SLC25A48: variants seen among roughly 807,000 people sequenced by gnomAD.
SLC25A48 encodes CTC-321K16.1.
SLC25A48 carries 29 observed loss-of-function variants against 32.2 expected under a neutral mutation model. The ratio of observed to expected loss-of-function variants is 0.90; its 90% CI spans 0.67 to 1.23. SLC25A48 has a LOEUF of 1.23. SLC25A48 is among the 50% of genes most tolerant of loss of function. SLC25A48 has a pLI of 0.00. For missense variants in SLC25A48, 399 were observed against 422.7 expected, an observed-to-expected ratio of 0.94 and a Z score of 0.49; for synonymous variants, 164 against 172.3, an observed-to-expected ratio of 0.95 and a Z score of 0.38.
intron 4 of SLC25A48, among the ~76,000 whole-genome samples, chr5:135,867,301 C>T (rs1226040406): frequency 6.6e-6 from 1 of 152,168 alleles, no homozygotes; most frequent in African/African-American, 2.4e-5. Flanking sequence ...TAGTCTTCCT[C>T]AGGTTCCTTG....
chr5:135,732,831 C>T (rs556072503), intron 3 of SLC25A48, among the ~76,000 whole-genome samples: 6 of 152,180 alleles, frequency 3.9e-5, no homozygotes, highest in Admixed American at 6.6e-5. Flanking sequence ...GAAAAACTGC[C>T]GTGAGGGATA....
chr5:135,690,890 C>G (rs757855223), intron 3 of SLC25A48, among the ~76,000 whole-genome samples: 17 of 152,060 alleles, frequency 1.1e-4, no homozygotes, highest in Non-Finnish European at 2.2e-4. Flanking sequence ...AATTCCAAAG[C>G]TGTCCTGTAA....
intron 1 of SLC25A48, among the ~76,000 whole-genome samples, chr5:135,585,325 G>A (rs554462631): frequency 7.1e-4 from 108 of 152,338 alleles, no homozygotes; most frequent in African/African-American, 2.5e-3. Flanking sequence ...TAGGCTGTTT[G>A]CTTTCGTTTG....
chr5:135,648,946 G>A (rs1753035403), intron 3 of SLC25A48: 1 of 152,274 alleles, frequency 6.6e-6, no homozygotes, highest in Non-Finnish European at 1.5e-5. Context: ...CCAGCAGCCT[G>A]GACACCGGTT....
chr5:135,678,994 T>C (rs1753831578), intron 3 of SLC25A48, among the ~76,000 whole-genome samples: 1 of 152,068 alleles, frequency 6.6e-6, no homozygotes, highest in Admixed American at 6.6e-5. Context: ...TAAGTCCAGG[T>C]GGGTTAGTTC....
chr5:135,596,129 C>T (rs1751644249), intron 1 of SLC25A48, among the ~76,000 whole-genome samples: 2 of 152,180 alleles, frequency 1.3e-5, no homozygotes, highest in African/African-American at 4.8e-5. Flanking sequence ...AATAGTTACC[C>T]AACTTTATCT....
At chr5:135,804,050 A>G (rs1475523156) in intron 3 of SLC25A48, among the ~76,000 whole-genome samples, 1 of 151,578 alleles carries the variant, frequency 6.6e-6, no homozygotes, top group Non-Finnish European at 1.5e-5. Flanking sequence ...TATCTCCCTA[A>G]AATATTACAA....
chr5:135,659,936 C>T (rs1753353061), intron 3 of SLC25A48, among the ~76,000 whole-genome samples: 1 of 152,232 alleles, frequency 6.6e-6, no homozygotes, highest in African/African-American at 2.4e-5. Flanking sequence ...GTCCCACCCA[C>T]CTTCGGGAAT....
At position 135,850,561 on chromosome 5, in the gene SLC25A48, C is replaced by A; in HGVS notation, c.162+65C>A. 4 of 1,483,014 alleles carry A rather than the reference C, an allele frequency of 2.7e-6. No homozygotes were observed. The East Asian group carries it at 6.8e-5, about 25-fold the overall frequency. 91.9% of individuals were successfully genotyped at this position (1,483,014 alleles called of 1,614,324 possible). ...GCCCCCACAGGCTGGGGACCAGGGC[C>A]ACAGCCCCACACCAGCATGCAGGTG... On this transcript the variant is annotated intron_variant, in intron 3 of 7. Coordinates refer to ENST00000681962, the MANE Select transcript of SLC25A48 (RefSeq NM_001349336.2).
chr5:135,589,906 A>G (rs1233834080), intron 1 of SLC25A48, among the ~76,000 whole-genome samples: 1 of 152,084 alleles, frequency 6.6e-6, no homozygotes, highest in African/African-American at 2.4e-5. Context: ...AAGTTGCCCA[A>G]TTGGGTCTTG....
chr5:135,601,806 G>T lies in SLC25A48; in HGVS notation c.-849+22209G>T, dbSNP rs181067254. Among the ~76,000 whole-genome samples the T allele has an allele frequency of 2.6e-5, 4 of 152,348 alleles. No homozygotes were observed. In the East Asian group the frequency reaches 7.7e-4, roughly 29 times the overall value. The stretch of plus-strand genomic sequence containing the variant: ...ATTCTTGAATTCCTGGGGAGGTCAC[G>T]TGTGCAAGCTTTGATGTCCAAAGAC... On this transcript the variant is annotated intron_variant, in intron 1 of 10. Coordinates refer to the SLC25A48 transcript ENST00000646290.
chr5:135,593,050 G>A (rs1036787341), intron 1 of SLC25A48, among the ~76,000 whole-genome samples: 4 of 152,146 alleles, frequency 2.6e-5, no homozygotes, highest in Non-Finnish European at 5.9e-5. Flanking sequence ...GAGCTCAGCA[G>A]GACCCAGGCT....
At chr5:135,682,745 G>T (rs1753926440) in intron 3 of SLC25A48, among the ~76,000 whole-genome samples, 1 of 152,168 alleles carries the variant, frequency 6.6e-6, no homozygotes, top group Non-Finnish European at 1.5e-5. Context: ...CAAGTCCCCA[G>T]AATGGCCAGA....
At chr5:135,639,541 C>T (rs1040921094) in intron 3 of SLC25A48, among the ~76,000 whole-genome samples, 20 of 152,114 alleles carry the variant, frequency 1.3e-4, no homozygotes, top group Middle Eastern at 3.4e-3. Context: ...AGAGTGGCTG[C>T]TCAGGGTTTG....
intron 3 of SLC25A48, chr5:135,648,548 C>T (rs796876379): frequency 2.0e-5 from 3 of 152,196 alleles, no homozygotes; most frequent in African/African-American, 7.2e-5. Flanking sequence ...AGGAGACCTG[C>T]GCTCCAGCCC....
chr5:135,880,659 C>T (rs554775711), intron 7 of SLC25A48, among the ~76,000 whole-genome samples: 48 of 152,264 alleles, frequency 3.2e-4, no homozygotes, highest in African/African-American at 1.2e-3. Flanking sequence ...GACTCCTGTG[C>T]TCACATGCCC....
intron 3 of SLC25A48, among the ~76,000 whole-genome samples, chr5:135,736,366 G>A (rs1437827514): frequency 1.3e-5 from 2 of 152,196 alleles, no homozygotes; most frequent in Admixed American, 6.5e-5. Flanking sequence ...TTGGGGCCAA[G>A]CGGTGTTGCA....
chr5:135,850,046 G>A (rs1759715876), intron 2 of SLC25A48, among the ~76,000 whole-genome samples: 1 of 152,212 alleles, frequency 6.6e-6, no homozygotes, highest in Admixed American at 6.5e-5. Context: ...GAGGCCTAGG[G>A]TGGTGGTTCT....
intron 3 of SLC25A48, among the ~76,000 whole-genome samples, chr5:135,772,313 A>C (rs1756433950): frequency 6.6e-6 from 1 of 150,860 alleles, no homozygotes; most frequent in African/African-American, 2.4e-5. Flanking sequence ...ACCCCAATGT[A>C]ATATTGTTCT....
Sources: gnomAD v4.1 joint callset for allele counts (sites outside exome capture counted in the v4.1 genomes callset) on GRCh38, gnomAD v4.1.1 for gene constraint, MANE v1.5 for transcripts, NCBI Gene and HGNC (gene_info 2026-07-23, HGNC 2026-07-21) for gene names.